The following ZNF28 variants were observed in gnomAD, a reference collection of about 807,000 sequenced individuals.
ZNF28 encodes the protein zinc finger protein KOX24.
In ZNF28, 5 loss-of-function variants were observed where a neutral mutation model predicts 7.2. The observed-to-expected ratio is 0.70, with a 90% CI of 0.36 to 1.46. The LOEUF (loss-of-function observed/expected upper bound fraction) is 1.46. Ranked by LOEUF, ZNF28 falls within the 40% of genes most tolerant of loss-of-function variation. ZNF28 has a pLI of 0.03. For missense variants in ZNF28, 879 were observed against 866.6 expected, an observed-to-expected ratio of 1.01 and a Z score of -0.18; for synonymous variants, 288 against 292.4, an observed-to-expected ratio of 0.99 and a Z score of 0.15.
chr19:52,810,656 G>A, intron 2 of ZNF28: 8 of 1,153,272 alleles, frequency 6.9e-6, no homozygotes, highest in Non-Finnish European at 1.0e-5. Flanking sequence ...AGGCTCTGGG[G>A]TCGCGTCTAC....
chr19:52,812,469 CA>C (rs2063063865), intron 2 of ZNF28, among the ~76,000 whole-genome samples: 1 of 122,672 alleles, frequency 8.2e-6, no homozygotes, highest in South Asian at 2.5e-4. Context: ...ACCTTATCCC[CA>C]ACCCTGTGCT....
chr19:52,808,251 G>A, intron 2 of ZNF28, 118 bp from the exon 3 acceptor site: 3 of 1,515,268 alleles, frequency 2.0e-6, no homozygotes, highest in Non-Finnish European at 2.6e-6. Context: ...ACAAATCCGA[G>A]TGACGGATTT....
chr19:52,820,113 T>TGCTCCTTCTCCCCAATC (rs2063175836), intron 1 of ZNF28, among the ~76,000 whole-genome samples: 6 of 133,150 alleles, frequency 4.5e-5, no homozygotes, highest in African/African-American at 3.2e-5. Context: ...AACCTCTTTT[T>TGCTCCTTCTCCCCAATC]TTTTTTTTTT....
At chr19:52,818,796 T>C (rs1305598012) in intron 1 of ZNF28, among the ~76,000 whole-genome samples, 1 of 146,126 alleles carries the variant, frequency 6.8e-6, no homozygotes, top group Non-Finnish European at 1.5e-5. Flanking sequence ...GGCACAAGAA[T>C]CACTTGAACC....
chr19:52,810,428 C>T lies in ZNF28; in HGVS notation c.16-2295G>A, dbSNP rs2063004386. ...TCTGTGACAAATTTAGTGGCCATCC[C>T]AAAGGGTTTGCATATATAGAGTTCT... On this transcript the variant is annotated intron_variant, in intron 2 of 3. Coordinates refer to ENST00000457749, the MANE Select transcript of ZNF28 (RefSeq NM_006969.5). 3.1e-6 allele frequency: 5 copies of T among 1,602,844 alleles called. No individual in the cohort carries two copies. The East Asian group carries it at 9.0e-5, about 29-fold the overall frequency.
In ZNF28 at chr19:52,817,992, G is replaced by A. The variant is rs572919529; in HGVS notation, c.-34C>T. The stretch of plus-strand genomic sequence containing the variant: ...CCTTTGCTTTCCTCTTCCTCTTCTG[G>A]GTTTCTTCCTCACGTACCAAGATTC... On this transcript the variant is annotated 5_prime_UTR_variant, in exon 2 of 4. Coordinates refer to ENST00000457749, the MANE Select transcript of ZNF28 (RefSeq NM_006969.5). The A allele has an allele frequency of 2.0e-4, 319 of 1,609,684 alleles. 1 individual carries two copies. In the African/African-American group the frequency reaches 3.9e-3, roughly 20 times the overall value.
At chr19:52,810,048 G>A (rs545549387) in intron 2 of ZNF28, 7 of 738,102 alleles carry the variant, frequency 9.5e-6, no homozygotes, top group Admixed American at 2.0e-5. Context: ...CCAGCCCCGC[G>A]CCCCATGCCT....
chr19:52,811,136 C>T lies in ZNF28; in HGVS notation c.16-3003G>A, dbSNP rs930638517. Reference sequence around the variant, plus strand: ...CTCCAGCTCCTAACCACGAGTGATCCGCCAGCCTCGGCCTCCCGAGGTGCC... The same window carrying T: ...CTCCAGCTCCTAACCACGAGTGATCTGCCAGCCTCGGCCTCCCGAGGTGCC... On this transcript the variant is annotated intron_variant, in intron 2 of 3. Transcript: ENST00000457749. Among the ~76,000 whole-genome samples, 483 of 150,752 alleles carry T rather than the reference C, an allele frequency of 3.2e-3. 2 individuals carry two copies. The highest frequency in any genetic ancestry group is 0.011 in the African/African-American group (446 of 40,992).
Position 52,799,798 on chromosome 19 carries a change from T to C in ZNF28, c.2047A>G (p.Arg683Gly). The change falls in exon 4 of 4, where the codon AGA (arginine) becomes GGA (glycine). Residue 683 changes from arginine (R) to glycine (G), a missense_variant. Around this residue, in one of 2 missense-constraint regions of ZNF28, gnomAD observed 864 missense variants for 830.2 expected, o/e 1.04. Coordinates refer to ENST00000457749, the MANE Select transcript of ZNF28 (RefSeq NM_006969.5). ...TAAGGTTTCTCTCCAGTATGAACTC[T>C]CTGATGCTGTGCAAGGTGTGCTTGT... ...NQQAHLAQHQ[R>G]VHTGEKPYKC... The C allele has an allele frequency of 6.2e-7, 1 of 1,614,166 alleles. No individual in the cohort carries two copies. Among genetic ancestry groups the C allele is most frequent in the Non-Finnish European group, 8.5e-7 (1 of 1,180,030 alleles).
Position 52,814,603 on chromosome 19 carries a change from A to T in ZNF28, c.15+3341T>A, listed in dbSNP as rs866535563. Among the ~76,000 whole-genome samples, 47 of 144,624 alleles carry T rather than the reference A, an allele frequency of 3.2e-4. 8 individuals carry two copies. Among genetic ancestry groups the T allele is most frequent in the African/African-American group, 1.2e-3 (46 of 36,814 alleles). The allele number at this position is 144,624 out of a possible 152,430, so 94.9% of individuals were successfully genotyped here. ...AGACTTTGTCTCAAAAAGAAAAAAA[A>T]AAGCTGGGCGAGGTGGCTCACGCCT... On this transcript the variant is annotated intron_variant, in intron 2 of 3. Coordinates refer to ENST00000457749, the MANE Select transcript of ZNF28 (RefSeq NM_006969.5).
At chr19:52,807,358 G>A (rs1256402475) in intron 3 of ZNF28, among the ~76,000 whole-genome samples, 3 of 152,190 alleles carry the variant, frequency 2.0e-5, no homozygotes, top group African/African-American at 7.2e-5. Context: ...AATGCTTGGG[G>A]AGCACTGTAA....
At position 52,819,925 on chromosome 19, in the gene ZNF28, C is replaced by T. The variant is rs2063173477; in HGVS notation, c.-74+1661G>A. On this transcript the variant is annotated intron_variant, in intron 1 of 3. Transcript: ENST00000457749. ...TAAGACATAAGCAAATTATTTCAAT[C>T]AAGAATACATGGGTGGACAGCTGAG... Among the ~76,000 whole-genome samples, 2 of 142,556 alleles carry T rather than the reference C, an allele frequency of 1.4e-5. 1 individual carries two copies. Among genetic ancestry groups the T allele is most frequent in the Admixed American group, 1.4e-4 (2 of 14,192 alleles). 93.5% of individuals were successfully genotyped at this position (142,556 alleles called of 152,430 possible).
At chr19:52,818,670 C>G (rs868747900) in intron 1 of ZNF28, among the ~76,000 whole-genome samples, 17 of 151,756 alleles carry the variant, frequency 1.1e-4, no homozygotes, top group Admixed American at 5.9e-4. Context: ...TCGCGCCACT[C>G]CACTCCTGCC....
chr19:52,814,840 T>C (rs2063101902), intron 2 of ZNF28, among the ~76,000 whole-genome samples: 1 of 146,494 alleles, frequency 6.8e-6, no homozygotes, highest in East Asian at 2.0e-4. Flanking sequence ...TGAGCCAAGA[T>C]CACACCACTG....
At chr19:52,820,230 G>C (rs1395996369) in intron 1 of ZNF28, among the ~76,000 whole-genome samples, 1 of 134,814 alleles carries the variant, frequency 7.4e-6, no homozygotes, top group African/African-American at 3.1e-5. Context: ...CCATTCTCCT[G>C]CCTCAGCCTC....
rs1477927945 is a variant in ZNF28, at chr19:52,801,193, T to C, written c.652A>G (p.Ile218Val). ...VHMREKSFQC[I>V]ESGKSFNCSS... ...CAATTAAAGGATTTGCCACTCTCAA[T>C]ACATTGGAAAGATTTTTCTCTCATG... The change falls in exon 4 of 4, where the codon ATT becomes GTT. Residue 218 changes from isoleucine to valine, a missense_variant. Ile to Val is a conservative substitution (Grantham distance 29, BLOSUM62 3). Transcript: ENST00000457749. 5 of 1,614,052 alleles carry C rather than the reference T, an allele frequency of 3.1e-6. No individual in the cohort carries two copies. In the Admixed American group the frequency reaches 5.0e-5, roughly 16 times the overall value.
rs535531211 is a variant in ZNF28 at position 52,800,806 on chromosome 19, T to C, written c.1039A>G (p.Ile347Val). 1.1e-5 allele frequency: 18 copies of C among 1,614,128 alleles called. No individual in the cohort carries two copies. The South Asian group carries it at 1.9e-4, about 17-fold the overall frequency. ...TCNSYLAKHT[I>V]IHTGEKPYKC... ...TAAGGTTTCTCTCCAGTGTGAATTA[T>C]AGTATGTTTTGCTAGGTATGAATTA... Residue 347 changes from isoleucine (I) to valine (V), a missense_variant, in exon 4 of 4, where the codon ATA (isoleucine) becomes GTA (valine). Ile to Val is a conservative substitution (Grantham distance 29). This residue lies in a region of ZNF28 where 864 missense variants were observed against 830.2 expected (regional missense o/e 1.04). Transcript: ENST00000457749.
At chr19:52,818,877 C>T (rs1726937739) in intron 1 of ZNF28, among the ~76,000 whole-genome samples, 1 of 92,172 alleles carries the variant, frequency 1.1e-5, no homozygotes, top group African/African-American at 4.7e-5. Context: ...GAATGAGAGT[C>T]TGTTTGGGAA....
intron 1 of ZNF28, among the ~76,000 whole-genome samples, chr19:52,819,380 C>G (rs368471493): frequency 6.7e-5 from 9 of 134,624 alleles, no homozygotes; most frequent in African/African-American, 2.1e-4. Context: ...CTACCACTCT[C>G]TTTCTTCCAT....
Sources: allele counts gnomAD v4.1 joint callset (sites outside exome capture counted in the v4.1 genomes callset), GRCh38; gene constraint gnomAD v4.1.1; regional missense constraint gnomAD v4.1.1; transcripts MANE v1.5; gene names NCBI Gene and HGNC (gene_info 2026-07-23, HGNC 2026-07-21).